SIK2: variants seen among roughly 807,000 people sequenced by gnomAD.
The protein encoded by SIK2 is salt inducible kinase 2.
A neutral mutation model predicts 103.2 loss-of-function variants in SIK2; 29 were observed. The ratio of observed to expected loss-of-function variants is 0.28; its 90% CI spans 0.21 to 0.38. SIK2 has a LOEUF of 0.38. Among genes scored for constraint, SIK2 ranks in the 10% least tolerant of loss-of-function variants. The probability of loss-of-function intolerance (pLI) is 1.00; values close to 1 mark genes in which losing one functional copy is unlikely to be tolerated. For missense variants in SIK2, 879 were observed against 1,171.0 expected (o/e 0.75, Z 3.64); for synonymous variants, 412 against 446.1 (o/e 0.92, Z 0.96).
At chr11:111,645,887 T>A (rs1287692998) in intron 3 of SIK2, among the ~76,000 whole-genome samples, 1 of 152,098 alleles carries the variant, frequency 6.6e-6, no homozygotes, top group Non-Finnish European at 1.5e-5. Flanking sequence ...AAGTTGTGAT[T>A]AGAAAGGGAA....
At chr11:111,625,569 G>A (rs1271484516) in intron 3 of SIK2, among the ~76,000 whole-genome samples, 4 of 152,198 alleles carry the variant, frequency 2.6e-5, no homozygotes, top group Non-Finnish European at 4.4e-5. Flanking sequence ...TAGAAACCAA[G>A]TGACCAAAGT....
intron 3 of SIK2, among the ~76,000 whole-genome samples, chr11:111,658,369 C>T (rs532692070): frequency 3.3e-5 from 5 of 151,978 alleles, no homozygotes; most frequent in African/African-American, 9.7e-5. Flanking sequence ...GTGATCCACC[C>T]GTCTTGGCCT....
At chr11:111,627,126 T>C (rs1216858744) in intron 3 of SIK2, among the ~76,000 whole-genome samples, 1 of 152,072 alleles carries the variant, frequency 6.6e-6, no homozygotes, top group Non-Finnish European at 1.5e-5. Flanking sequence ...AAAAGCATAG[T>C]AAACTGTAGA....
chr11:111,686,894 C>T (rs1942853632), intron 3 of SIK2, among the ~76,000 whole-genome samples: 1 of 152,160 alleles, frequency 6.6e-6, no homozygotes, highest in Admixed American at 6.5e-5. Flanking sequence ...AGAATTCTTT[C>T]GAACAGCACA....
At chr11:111,640,161 G>A (rs571216557) in intron 3 of SIK2, among the ~76,000 whole-genome samples, 1 of 152,258 alleles carries the variant, frequency 6.6e-6, no homozygotes, top group Non-Finnish European at 1.5e-5. Flanking sequence ...TGTTTTTTGT[G>A]TCTGTATATC....
intron 3 of SIK2, among the ~76,000 whole-genome samples, chr11:111,660,471 A>C (rs961524824): frequency 2.0e-5 from 3 of 152,240 alleles, no homozygotes; most frequent in Non-Finnish European, 2.9e-5. Flanking sequence ...TGTTTATACT[A>C]TGCATGGTGT....
At chr11:111,642,554 T>C (rs1240555286) in intron 3 of SIK2, among the ~76,000 whole-genome samples, 2 of 152,134 alleles carry the variant, frequency 1.3e-5, no homozygotes, top group Non-Finnish European at 2.9e-5. Context: ...AGCACCTCAG[T>C]GTGTTCAACA....
At chr11:111,677,945 C>T (rs1591612172) in intron 3 of SIK2, among the ~76,000 whole-genome samples, 2 of 152,244 alleles carry the variant, frequency 1.3e-5, no homozygotes, top group East Asian at 3.9e-4. Context: ...TAAATTAGAT[C>T]AAGTCTCTCA....
Position 111,701,969 on chromosome 11 carries a change from T to A in SIK2, c.727+394T>A, listed in dbSNP as rs1358851690. ...GCCAAACTGGCAAAACTCTGCTAAATTCAGATGATATGCCATAATCCCTGC... is the reference window on the plus strand; with the variant it reads ...GCCAAACTGGCAAAACTCTGCTAAAATCAGATGATATGCCATAATCCCTGC... On this transcript the variant is annotated intron_variant, in intron 6 of 14. Coordinates refer to ENST00000304987, the MANE Select transcript of SIK2 (RefSeq NM_015191.3). The surrounding 1 kb of genome is among the most constrained non-coding windows in gnomAD (Gnocchi z 4.2). 1.3e-5 allele frequency among the ~76,000 whole-genome samples: 2 copies of A among 152,254 alleles called. No individual in the cohort carries two copies. The highest frequency in any genetic ancestry group is 2.9e-5 in the Non-Finnish European group (2 of 68,052).
chr11:111,722,578 T>G lies in SIK2; in HGVS notation c.2056-87T>G, dbSNP rs1050572399. On this transcript the variant is annotated intron_variant, in intron 13 of 14. Coordinates refer to ENST00000304987, the MANE Select transcript of SIK2 (RefSeq NM_015191.3). The surrounding 1 kb of genome is among the most constrained non-coding windows in gnomAD (Gnocchi z 4.4). ...GTGGATTCTGTAGAATGCAGTTAGA[T>G]TCATCCTGCAGGCAGAAGCACATCT... The G allele has an allele frequency of 5.6e-6, 7 of 1,245,968 alleles. No individual in the cohort carries two copies. Among genetic ancestry groups the G allele is most frequent in the Non-Finnish European group, 8.0e-6 (7 of 869,652 alleles). 77.2% of individuals were successfully genotyped at this position (1,245,968 alleles called of 1,614,324 possible).
At chr11:111,639,721 A>G (rs1429149635) in intron 3 of SIK2, among the ~76,000 whole-genome samples, 1 of 152,138 alleles carries the variant, frequency 6.6e-6, no homozygotes, top group Non-Finnish European at 1.5e-5. Context: ...ATTGAAATTC[A>G]TTGTTATACT....
At chr11:111,616,401 T>C in intron 2 of SIK2, 42 bp downstream of exon 2, 1 of 1,075,496 alleles carries the variant, frequency 9.3e-7, no homozygotes, top group South Asian at 1.3e-5. Context: ...TTCCACAAGA[T>C]AGTTCTCTAT....
At chr11:111,697,822 C>G (rs554552442) in intron 4 of SIK2, among the ~76,000 whole-genome samples, 3 of 151,966 alleles carry the variant, frequency 2.0e-5, no homozygotes, top group Non-Finnish European at 4.4e-5. Flanking sequence ...GAGACCTTGT[C>G]TCTACCCAAA....
At chr11:111,656,246 T>C (rs1409276978) in intron 3 of SIK2, among the ~76,000 whole-genome samples, 2 of 152,170 alleles carry the variant, frequency 1.3e-5, no homozygotes, top group Non-Finnish European at 1.5e-5. Flanking sequence ...ATTACTGTTT[T>C]GAATTATCAA....
At chr11:111,641,977 G>A (rs1324389093) in intron 3 of SIK2, among the ~76,000 whole-genome samples, 1 of 152,086 alleles carries the variant, frequency 6.6e-6, no homozygotes, top group East Asian at 1.9e-4. Flanking sequence ...AAAATTTCTG[G>A]TACTACAGTA....
At chr11:111,647,481 G>A (rs139532973) in intron 3 of SIK2, among the ~76,000 whole-genome samples, 1 of 149,890 alleles carries the variant, frequency 6.7e-6, no homozygotes, top group Admixed American at 6.7e-5. Context: ...AAATACGCCA[G>A]GCATGTTGGC....
At position 111,681,396 on chromosome 11, in the gene SIK2, A is replaced by C. The variant is rs143133657; in HGVS notation, c.317-6605A>C. Among the ~76,000 whole-genome samples the C allele has an allele frequency of 4.7e-3, 709 of 152,340 alleles. 3 individuals carry two copies. The highest frequency in any genetic ancestry group is 7.4e-3 in the Non-Finnish European group (503 of 68,026). Reference sequence around the variant, plus strand: ...GGCACTAAATGAGAAGATTATGAAAAAGAACCAACATCATTCAGCTAAGAA... The same window carrying C: ...GGCACTAAATGAGAAGATTATGAAACAGAACCAACATCATTCAGCTAAGAA... On this transcript the variant is annotated intron_variant, in intron 3 of 14. Coordinates refer to ENST00000304987, the MANE Select transcript of SIK2 (RefSeq NM_015191.3).
chr11:111,621,146 A>G (rs1252265395), intron 3 of SIK2, among the ~76,000 whole-genome samples: 1 of 152,212 alleles, frequency 6.6e-6, no homozygotes, highest in Non-Finnish European at 1.5e-5. Flanking sequence ...TAATGTTTTG[A>G]TACACGTTTG....
At chr11:111,665,762 G>A (rs1013166080) in intron 3 of SIK2, among the ~76,000 whole-genome samples, 1 of 151,652 alleles carries the variant, frequency 6.6e-6, no homozygotes, top group African/African-American at 2.4e-5. Context: ...GGAGGCAGAG[G>A]TTGTGGTGAG....
Sources: gnomAD v4.1 joint callset for allele counts (sites outside exome capture counted in the v4.1 genomes callset) on GRCh38, gnomAD v4.1.1 for gene constraint, Gnocchi (gnomAD v3.1) non-coding constraint, MANE v1.5 for transcripts, NCBI Gene and HGNC (gene_info 2026-07-23, HGNC 2026-07-21) for gene names.